The following UNC79 variants were observed in gnomAD, a reference collection of about 807,000 sequenced individuals.
UNC79 encodes the protein unc-79 subunit of NALCN channel complex, also known as protein unc-79 homolog.
UNC79 carries 37 observed loss-of-function variants against 283.1 expected under a neutral mutation model. The observed-to-expected ratio is 0.13, with a 90% CI of 0.10 to 0.17. The LOEUF (loss-of-function observed/expected upper bound fraction) is 0.17, where lower values mean the gene tolerates loss of function less well. Ranked by LOEUF, UNC79 falls within the 10% of genes least tolerant of loss-of-function variation. The pLI, the probability that UNC79 is intolerant of heterozygous loss-of-function variation, is 1.00. For missense variants in UNC79, 2,272 were observed against 3,211.1 expected, an observed-to-expected ratio of 0.71 and a Z score of 7.07; for synonymous variants, 1,107 against 1,200.2, an observed-to-expected ratio of 0.92 and a Z score of 1.61.
chr14:93,633,870 G>A (rs1002638748), intron 31 of UNC79, among the ~76,000 whole-genome samples: 3 of 152,180 alleles, frequency 2.0e-5, no homozygotes, highest in African/African-American at 7.2e-5. Context: ...CTCGTGGAAT[G>A]TTGTTTGATT....
chr14:93,577,177 G>A (rs2063522756), intron 17 of UNC79, among the ~76,000 whole-genome samples: 1 of 152,046 alleles, frequency 6.6e-6, no homozygotes, highest in Non-Finnish European at 1.5e-5. Flanking sequence ...TCCAGCTTGG[G>A]CAACAGAGCA....
At chr14:93,556,327 C>T (rs1184459800) in intron 14 of UNC79, among the ~76,000 whole-genome samples, 1 of 152,074 alleles carries the variant, frequency 6.6e-6, no homozygotes, top group Non-Finnish European at 1.5e-5. Context: ...TCACTGTAAG[C>T]AACTGCTATT....
intron 6 of UNC79, 69 bp from the exon 7 acceptor site, chr14:93,497,088 A>T: frequency 6.6e-7 from 1 of 1,524,618 alleles, no homozygotes; most frequent in Non-Finnish European, 8.8e-7. Flanking sequence ...TGCTTTGGTA[A>T]TGTTGAAGTC....
chr14:93,493,877 ATAT>A, intron 5 of UNC79, among the ~76,000 whole-genome samples: 1 of 63,678 alleles, frequency 1.6e-5, no homozygotes, highest in Admixed American at 2.3e-4. Flanking sequence ...AGTGCCACAT[ATAT>A]ATATATATAT....
intron 7 of UNC79, among the ~76,000 whole-genome samples, chr14:93,510,313 G>A (rs2059760398): frequency 6.6e-6 from 1 of 152,168 alleles, no homozygotes; most frequent in Admixed American, 6.5e-5. Context: ...TTAACATTTG[G>A]TTCCTCTTTA....
chr14:93,404,493 A>AAAAATATATATATATATATAT, intron 1 of UNC79, among the ~76,000 whole-genome samples: 18 of 61,494 alleles, frequency 2.9e-4, no homozygotes, highest in African/African-American at 8.7e-4. Context: ...TTCTAAAAAA[A>AAAAATATATATATATATATAT]ATATATATAT....
At chr14:93,348,019 C>A (rs200469290) in intron 1 of UNC79, 14 of 1,584,118 alleles carry the variant, frequency 8.8e-6, no homozygotes, top group Non-Finnish European at 1.0e-5. Flanking sequence ...GTGTCATCTT[C>A]TCTTCCAGGA....
upstream of UNC79, among the ~76,000 whole-genome samples, chr14:93,425,870 A>T (rs2055714904): frequency 6.6e-6 from 1 of 152,188 alleles, no homozygotes. Flanking sequence ...TTTACATTTT[A>T]AAACTCTTCA....
rs180952880 is a variant in UNC79 at position 93,357,403 on chromosome 14, C to T, written c.-351+23880C>T. Among the ~76,000 whole-genome samples, 55 of 151,920 alleles carry T rather than the reference C, an allele frequency of 3.6e-4. 1 individual carries two copies. The highest frequency in any genetic ancestry group is 1.2e-3 in the African/African-American group (50 of 41,414). On this transcript the variant is annotated intron_variant, in intron 1 of 49. Coordinates refer to the UNC79 transcript ENST00000256339. ...GATTAACATTTCAGTCAGTGGGCTGCGAAAGGCAAACCCACCCTCGATCTG... is the reference window on the plus strand; with the variant it reads ...GATTAACATTTCAGTCAGTGGGCTGTGAAAGGCAAACCCACCCTCGATCTG...
intron 27 of UNC79, among the ~76,000 whole-genome samples, chr14:93,613,712 C>T (rs1195195176): frequency 6.6e-6 from 1 of 152,158 alleles, no homozygotes; most frequent in Non-Finnish European, 1.5e-5. Context: ...CTGCGCCCGG[C>T]CAGTATATTT....
chr14:93,605,028 C>T lies in UNC79; in HGVS notation c.3754+1610C>T, dbSNP rs745704350. ...TCACAGGTGGACAAGGTAGAGAATG[C>T]GGTGTCTCTAACTGGACCAGGGTGA... On this transcript the variant is annotated intron_variant, in intron 26 of 48. Transcript: ENST00000555664. 7.3e-5 allele frequency: 108 copies of T among 1,484,738 alleles called. 1 individual carries two copies. Among genetic ancestry groups the T allele is most frequent in the South Asian group, 4.9e-4 (38 of 77,056 alleles). 92.0% of individuals were successfully genotyped at this position (1,484,738 alleles called of 1,614,324 possible).
intron 4 of UNC79, among the ~76,000 whole-genome samples, chr14:93,481,440 T>C (rs1453319642): frequency 6.6e-6 from 1 of 152,142 alleles, no homozygotes; most frequent in Non-Finnish European, 1.5e-5. Context: ...CAAGTGAACA[T>C]TGACTGATGC....
intron 13 of UNC79, among the ~76,000 whole-genome samples, chr14:93,541,708 A>T (rs2061379987): frequency 6.6e-6 from 1 of 152,166 alleles, no homozygotes; most frequent in South Asian, 2.1e-4. Flanking sequence ...ATGATGTTTT[A>T]AAAAGTCTAT....
intron 1 of UNC79, among the ~76,000 whole-genome samples, chr14:93,414,928 G>T (rs1208426624): frequency 6.6e-6 from 1 of 152,140 alleles, no homozygotes; most frequent in Non-Finnish European, 1.5e-5. Flanking sequence ...GGGCTGAGAC[G>T]TTGGGGTTTT....
intron 19 of UNC79, among the ~76,000 whole-genome samples, chr14:93,581,316 A>C (rs972118905): frequency 2.0e-5 from 3 of 149,464 alleles, no homozygotes; most frequent in Non-Finnish European, 4.5e-5. Flanking sequence ...AACTGGACAC[A>C]GGCATGCCAC....
chr14:93,703,428 T>A (rs2075672213), intron 47 of UNC79, among the ~76,000 whole-genome samples: 2 of 152,214 alleles, frequency 1.3e-5, no homozygotes, highest in South Asian at 4.1e-4. Flanking sequence ...CCTTGGCTTG[T>A]AGGTCCCTGT....
rs565893083 is a variant in UNC79, at chr14:93,646,988, A to G, written c.6083+342A>G. Among the ~76,000 whole-genome samples the G allele has an allele frequency of 5.3e-5, 8 of 152,316 alleles. No individual in the cohort carries two copies. The East Asian group carries it at 1.3e-3, about 26-fold the overall frequency. Reference sequence around the variant, plus strand: ...TTCATTCATTCACTCATTTTAGCCAACAAATACTTTTAAGCCCACCCTGTG... The same window carrying G: ...TTCATTCATTCACTCATTTTAGCCAGCAAATACTTTTAAGCCCACCCTGTG... On this transcript the variant is annotated intron_variant, in intron 35 of 48. Coordinates refer to ENST00000555664, the Ensembl canonical transcript of UNC79.
chr14:93,410,787 C>T (rs960865784), intron 1 of UNC79, among the ~76,000 whole-genome samples: 12 of 152,168 alleles, frequency 7.9e-5, no homozygotes, highest in Admixed American at 2.0e-4. Flanking sequence ...GCCTTTGATC[C>T]TTGAATAACC....
chr14:93,365,574 C>T (rs1291296555), intron 1 of UNC79, among the ~76,000 whole-genome samples: 1 of 152,002 alleles, frequency 6.6e-6, no homozygotes, highest in Admixed American at 6.6e-5. Flanking sequence ...ATGGAACATC[C>T]TTGACTATGA....
Sources: allele counts gnomAD v4.1 joint callset (sites outside exome capture counted in the v4.1 genomes callset), GRCh38; gene constraint gnomAD v4.1.1; transcripts MANE v1.5; gene names NCBI Gene and HGNC (gene_info 2026-07-23, HGNC 2026-07-21).